The following MACROD2 variants were observed in gnomAD, a reference collection of about 807,000 sequenced individuals.
MACROD2 encodes mono-ADP ribosylhydrolase 2.
In MACROD2, 36 loss-of-function variants were observed where a neutral mutation model predicts 70.4. The observed-to-expected ratio is 0.51, with a 90% CI of 0.39 to 0.68. The LOEUF is 0.68. MACROD2 is among the 30% of genes least tolerant of loss of function. The pLI, the probability that MACROD2 is intolerant of heterozygous loss-of-function variation, is 0.00. For missense variants in MACROD2, 496 were observed against 538.4 expected (o/e 0.92, Z 0.78); for synonymous variants, 172 against 178.8 (o/e 0.96, Z 0.30).
chr20:15,812,404 C>T (rs1191512021), intron 8 of MACROD2, among the ~76,000 whole-genome samples: 1 of 152,134 alleles, frequency 6.6e-6, no homozygotes, highest in Non-Finnish European at 1.5e-5. Context: ...GGAGGACGGA[C>T]ATGCACAATA....
chr20:15,102,544 A>C lies in MACROD2; in HGVS notation c.419-127396A>C, dbSNP rs533603904. Among the ~76,000 whole-genome samples the C allele has an allele frequency of 1.6e-4, 24 of 152,156 alleles. No individual in the cohort carries two copies. The South Asian group carries it at 4.8e-3, about 30-fold the overall frequency. Reference sequence around the variant, plus strand: ...TGAAATCAATTTTTAATTGAGTAGAATAGAAAAGAGTGGGAAGTATCAGAG... The same window carrying C: ...TGAAATCAATTTTTAATTGAGTAGACTAGAAAAGAGTGGGAAGTATCAGAG... On this transcript the variant is annotated intron_variant, in intron 5 of 17. Coordinates refer to ENST00000684519, the MANE Select transcript of MACROD2 (RefSeq NM_001351661.2).
chr20:15,103,306 T>C (rs1212919032), intron 5 of MACROD2, among the ~76,000 whole-genome samples: 1 of 152,178 alleles, frequency 6.6e-6, no homozygotes, highest in Non-Finnish European at 1.5e-5. Context: ...GTATTACATG[T>C]AGACTTGCCA....
At chr20:14,839,057 T>C (rs2073060339) in intron 5 of MACROD2, among the ~76,000 whole-genome samples, 1 of 152,042 alleles carries the variant, frequency 6.6e-6, no homozygotes, top group Non-Finnish European at 1.5e-5. Context: ...TGGGAACGTT[T>C]AGTCATTTCA....
At chr20:15,848,827 A>G (rs187472192) in intron 8 of MACROD2, among the ~76,000 whole-genome samples, 181 of 152,236 alleles carry the variant, frequency 1.2e-3, no homozygotes, top group Non-Finnish European at 2.3e-3. Flanking sequence ...GAGCCCACTG[A>G]TACAGTGGAG....
intron 3 of MACROD2, among the ~76,000 whole-genome samples, chr20:14,426,672 A>G (rs1316560842): frequency 6.6e-6 from 1 of 152,088 alleles, no homozygotes; most frequent in Non-Finnish European, 1.5e-5. Flanking sequence ...TATCATCTCC[A>G]TATTTTTCTA....
At chr20:15,297,875 T>C (rs535270340) in intron 6 of MACROD2, among the ~76,000 whole-genome samples, 1 of 152,308 alleles carries the variant, frequency 6.6e-6, no homozygotes, top group South Asian at 2.1e-4. Flanking sequence ...GAAATGTTTT[T>C]CAAACATTTT....
At chr20:14,454,605 T>C (rs1365731258) in intron 3 of MACROD2, among the ~76,000 whole-genome samples, 4 of 151,918 alleles carry the variant, frequency 2.6e-5, no homozygotes, top group African/African-American at 9.7e-5. Flanking sequence ...CTTTTTTTTC[T>C]CTTTGTTCTA....
chr20:15,643,815 A>C (rs2049499195), intron 8 of MACROD2, among the ~76,000 whole-genome samples: 2 of 152,212 alleles, frequency 1.3e-5, no homozygotes, highest in Non-Finnish European at 2.9e-5. Context: ...GTAGAGGCTT[A>C]AAATTAGATG....
At chr20:15,670,837 A>G (rs570246522) in intron 8 of MACROD2, among the ~76,000 whole-genome samples, 2 of 152,354 alleles carry the variant, frequency 1.3e-5, no homozygotes, top group Admixed American at 1.3e-4. Flanking sequence ...GAAGAGGTCA[A>G]GGTTTCAGCC....
chr20:14,763,427 A>C (rs900736816), intron 5 of MACROD2, among the ~76,000 whole-genome samples: 4 of 152,098 alleles, frequency 2.6e-5, no homozygotes, highest in South Asian at 2.1e-4. Flanking sequence ...GAATGATGTG[A>C]TTTTCTTTTT....
intron 5 of MACROD2, among the ~76,000 whole-genome samples, chr20:14,777,938 G>A (rs953200672): frequency 6.6e-6 from 1 of 151,952 alleles, no homozygotes; most frequent in Non-Finnish European, 1.5e-5. Flanking sequence ...GGAAAGTCAC[G>A]CTAAAACCAC....
intron 3 of MACROD2, among the ~76,000 whole-genome samples, chr20:14,131,316 T>C (rs2054716204): frequency 6.6e-6 from 1 of 152,208 alleles, no homozygotes. Flanking sequence ...TTTTTTTTTA[T>C]TTCTCTTATT....
intron 4 of MACROD2, among the ~76,000 whole-genome samples, chr20:14,596,307 G>A (rs1294815745): frequency 1.3e-5 from 2 of 151,152 alleles, no homozygotes; most frequent in Non-Finnish European, 3.0e-5. Context: ...AGCCAGGATG[G>A]CCTCAATCTC....
At chr20:14,401,022 C>T (rs772062259) in intron 3 of MACROD2, among the ~76,000 whole-genome samples, 4 of 152,134 alleles carry the variant, frequency 2.6e-5, no homozygotes, top group Non-Finnish European at 2.9e-5. Flanking sequence ...AGACTTCAAC[C>T]GACTTGGTTG....
At chr20:14,016,432 G>T (rs1248551380) in intron 2 of MACROD2, among the ~76,000 whole-genome samples, 3 of 152,016 alleles carry the variant, frequency 2.0e-5, no homozygotes, top group African/African-American at 7.2e-5. Context: ...CAGTTTATCT[G>T]TTTTTTCTCT....
At chr20:15,233,263 A>G (rs552671210) in intron 6 of MACROD2, among the ~76,000 whole-genome samples, 36 of 152,328 alleles carry the variant, frequency 2.4e-4, no homozygotes, top group South Asian at 2.3e-3. Context: ...TAATACATTA[A>G]TATGAAGAAA....
At chr20:14,669,762 A>G (rs1685177330) in intron 4 of MACROD2, among the ~76,000 whole-genome samples, 2 of 152,098 alleles carry the variant, frequency 1.3e-5, no homozygotes, top group South Asian at 4.2e-4. Flanking sequence ...GGAAAGAGAA[A>G]GGTCTCCCTC....
At chr20:14,595,287 C>T (rs1982051644) in intron 4 of MACROD2, among the ~76,000 whole-genome samples, 1 of 151,952 alleles carries the variant, frequency 6.6e-6, no homozygotes, top group Admixed American at 6.6e-5. Flanking sequence ...GTTTATTGGA[C>T]GAAAAGGAAA....
At chr20:15,474,170 G>T (rs1045153325) in intron 7 of MACROD2, among the ~76,000 whole-genome samples, 3 of 152,188 alleles carry the variant, frequency 2.0e-5, no homozygotes, top group Non-Finnish European at 4.4e-5. Context: ...GTAAGAGCTC[G>T]ATATACATTA....
Sources: gnomAD v4.1 joint callset for allele counts (sites outside exome capture counted in the v4.1 genomes callset) on GRCh38, gnomAD v4.1.1 for gene constraint, MANE v1.5 for transcripts, NCBI Gene and HGNC (gene_info 2026-07-23, HGNC 2026-07-21) for gene names.